The following POU2AF2 variants were observed in gnomAD, a reference collection of about 807,000 sequenced individuals.
The protein encoded by POU2AF2 is POU domain class 2-associating factor 2.
At chr11:111,272,861 C>T in the POU2AF2 span, among the ~76,000 whole-genome samples, 1 of 152,160 alleles carries the variant, frequency 6.6e-6, no homozygotes, top group African/African-American at 2.4e-5. Flanking sequence ...GCTTTCCCAC[C>T]TTGTGTTTGG....
At chr11:111,271,385 A>G in the POU2AF2 span, among the ~76,000 whole-genome samples, 1 of 150,964 alleles carries the variant, frequency 6.6e-6, no homozygotes, top group South Asian at 2.1e-4. Context: ...TAAGTTCCTT[A>G]GCGTGGCTCA....
the POU2AF2 span, among the ~76,000 whole-genome samples, chr11:111,261,188 T>C: frequency 6.6e-6 from 1 of 152,156 alleles, no homozygotes; most frequent in Non-Finnish European, 1.5e-5. Flanking sequence ...TTTTCTGTTA[T>C]TCTTTACCAC....
the POU2AF2 span, among the ~76,000 whole-genome samples, chr11:111,265,282 G>A: frequency 5.9e-5 from 9 of 152,096 alleles, no homozygotes; most frequent in Admixed American, 1.3e-4. Context: ...CAAAGCCTCC[G>A]GAATATTTTT....
the POU2AF2 span, among the ~76,000 whole-genome samples, chr11:111,269,150 T>G: frequency 6.6e-6 from 1 of 152,054 alleles, no homozygotes; most frequent in African/African-American, 2.4e-5. Flanking sequence ...CTTTGCATAT[T>G]GCTTGTTAAC....
chr11:111,261,794 T>C, the POU2AF2 span, among the ~76,000 whole-genome samples: 5 of 152,168 alleles, frequency 3.3e-5, no homozygotes, highest in African/African-American at 4.8e-5. Flanking sequence ...AAAATAGACA[T>C]GAAAATTCCT....
chr11:111,276,638 T>C, the POU2AF2 span, among the ~76,000 whole-genome samples: 1 of 106,758 alleles, frequency 9.4e-6, no homozygotes, highest in Non-Finnish European at 1.8e-5. Context: ...TGAGATTCCA[T>C]CACAAAAAAA....
At chr11:111,279,652 A>AC in the POU2AF2 span, among the ~76,000 whole-genome samples, 1 of 151,998 alleles carries the variant, frequency 6.6e-6, no homozygotes, top group Non-Finnish European at 1.5e-5. Flanking sequence ...GAGATTTAGG[A>AC]CCCACCCTAA....
the POU2AF2 span, among the ~76,000 whole-genome samples, chr11:111,264,520 G>T: frequency 1.8e-5 from 1 of 57,132 alleles, no homozygotes; most frequent in African/African-American, 7.0e-5. Flanking sequence ...AAGAAAGAAA[G>T]AAAGAAAGAA....
the POU2AF2 span, among the ~76,000 whole-genome samples, chr11:111,268,057 A>G: frequency 6.6e-6 from 1 of 152,224 alleles, no homozygotes; most frequent in Non-Finnish European, 1.5e-5. Flanking sequence ...AAGAAGTCGA[A>G]TACAGGTAAG....
chr11:111,257,514 G>T, the POU2AF2 span, among the ~76,000 whole-genome samples: 1 of 152,032 alleles, frequency 6.6e-6, no homozygotes, highest in Non-Finnish European at 1.5e-5. Context: ...GATTACAGGC[G>T]CCTGCCACCA....
chr11:111,256,503 C>T, the POU2AF2 span, among the ~76,000 whole-genome samples: 8 of 152,246 alleles, frequency 5.3e-5, no homozygotes, highest in Non-Finnish European at 7.3e-5. Context: ...CTCCTCCTGA[C>T]TGAGGAGCCT....
the POU2AF2 span, among the ~76,000 whole-genome samples, chr11:111,277,838 G>A: frequency 6.6e-6 from 1 of 152,346 alleles, no homozygotes; most frequent in Admixed American, 6.5e-5. Flanking sequence ...GAAGACATAT[G>A]TGTTGGCACA....
At chr11:111,267,740 C>T in the POU2AF2 span, among the ~76,000 whole-genome samples, 1 of 152,174 alleles carries the variant, frequency 6.6e-6, no homozygotes, top group East Asian at 1.9e-4. Flanking sequence ...TCCCAGCCCC[C>T]GTGGTGTCTG....
chr11:111,261,314 C>T, the POU2AF2 span, among the ~76,000 whole-genome samples: 2 of 151,356 alleles, frequency 1.3e-5, no homozygotes, highest in South Asian at 4.2e-4. Context: ...CTGATTGCTG[C>T]TTTTTTTGAA....
the POU2AF2 span, among the ~76,000 whole-genome samples, chr11:111,269,358 T>C: frequency 6.6e-6 from 1 of 152,190 alleles, no homozygotes; most frequent in Non-Finnish European, 1.5e-5. Context: ...ATTAGCCCAC[T>C]GTCCTGCCCT....
chr11:111,263,578 G>A, the POU2AF2 span, among the ~76,000 whole-genome samples: 8 of 151,894 alleles, frequency 5.3e-5, no homozygotes, highest in African/African-American at 9.7e-5. Context: ...GAATACAGGC[G>A]AGTGCCACCA....
At chr11:111,266,589 G>C in the POU2AF2 span, among the ~76,000 whole-genome samples, 1 of 152,128 alleles carries the variant, frequency 6.6e-6, no homozygotes, top group Non-Finnish European at 1.5e-5. Flanking sequence ...TTGAGTTGAC[G>C]TTCAGACCTG....
chr11:111,273,636 G>A, the POU2AF2 span, among the ~76,000 whole-genome samples: 5 of 152,170 alleles, frequency 3.3e-5, no homozygotes, highest in Admixed American at 1.3e-4. Context: ...TGTCATGCTA[G>A]TCAGACATCA....
chr11:111,264,139 C>T, the POU2AF2 span, among the ~76,000 whole-genome samples: 1 of 151,960 alleles, frequency 6.6e-6, no homozygotes, highest in East Asian at 1.9e-4. Context: ...TTGAGTGTGA[C>T]CATCAGTAAA....
Sources: gnomAD v4.1 joint callset for allele counts (sites outside exome capture counted in the v4.1 genomes callset) on GRCh38, gnomAD v4.1.1 for gene constraint, MANE v1.5 for transcripts, NCBI Gene and HGNC (gene_info 2026-07-23, HGNC 2026-07-21) for gene names.